CLIC5: variants seen among roughly 807,000 people sequenced by gnomAD.
CLIC5 encodes the protein CLIC family member 5, also known as chloride intracellular channel protein 5.
CLIC5 carries 20 observed loss-of-function variants against 24.7 expected under a neutral mutation model. The ratio of observed to expected loss-of-function variants is 0.81; its 90% CI spans 0.57 to 1.18. The LOEUF is 1.18. Ranked by LOEUF, CLIC5 falls within the 50% of genes most tolerant of loss-of-function variation. CLIC5 has a pLI of 0.00. For synonymous variants in CLIC5, 159 were observed against 135.6 expected (o/e 1.17, Z -1.20); for missense variants, 341 against 326.1 (o/e 1.05, Z -0.35).
chr6:46,109,987 C>G, the CLIC5 span, among the ~76,000 whole-genome samples: 7 of 152,084 alleles, frequency 4.6e-5, no homozygotes, highest in Non-Finnish European at 8.8e-5. Context: ...AATCTAAGCC[C>G]AGGGCATAAA....
chr6:46,023,664 A>T (rs1318388969), intron 1 of CLIC5, among the ~76,000 whole-genome samples: 1 of 152,158 alleles, frequency 6.6e-6, no homozygotes. Flanking sequence ...CAGCCCTAGG[A>T]AATGGAAGTT....
chr6:46,012,232 T>A (rs1425732978), intron 1 of CLIC5, among the ~76,000 whole-genome samples: 7 of 152,196 alleles, frequency 4.6e-5, no homozygotes, highest in Non-Finnish European at 1.0e-4. Context: ...TGCTCTTGTT[T>A]TAAGAGGGCC....
intron 1 of CLIC5, among the ~76,000 whole-genome samples, chr6:46,012,673 G>T (rs1766848279): frequency 6.6e-6 from 1 of 152,170 alleles, no homozygotes; most frequent in Admixed American, 6.5e-5. Flanking sequence ...TTGAGGACTG[G>T]ATCTGAATGC....
intron 3 of CLIC5, among the ~76,000 whole-genome samples, chr6:45,943,076 A>G (rs1764186239): frequency 1.3e-5 from 2 of 152,192 alleles, no homozygotes; most frequent in Non-Finnish European, 2.9e-5. Flanking sequence ...CGTATTCACC[A>G]TTTACTCCTC....
intron 1 of CLIC5, among the ~76,000 whole-genome samples, chr6:46,063,168 T>G (rs1762340912): frequency 1.3e-5 from 2 of 152,198 alleles, no homozygotes; most frequent in Non-Finnish European, 2.9e-5. Context: ...TTAATGATTA[T>G]TATCACTGGA....
intron 1 of CLIC5, among the ~76,000 whole-genome samples, chr6:45,979,780 G>A (rs951073839): frequency 3.3e-5 from 5 of 151,068 alleles, no homozygotes; most frequent in African/African-American, 1.2e-4. Flanking sequence ...TGGCCTTTTA[G>A]ACCTTTGTGA....
chr6:45,886,483 C>T (rs1762306970), intron 6 of CLIC5, among the ~76,000 whole-genome samples: 1 of 152,138 alleles, frequency 6.6e-6, no homozygotes, highest in Admixed American at 6.5e-5. Flanking sequence ...GTTGAGCACC[C>T]ATTTGGTAAA....
At chr6:45,955,316 C>A in intron 1 of CLIC5, 72 bp from the exon 2 acceptor site, 1 of 1,080,276 alleles carries the variant, frequency 9.3e-7, no homozygotes, top group South Asian at 1.4e-5. Context: ...TTGTAACACC[C>A]AAATGCAGGT....
At chr6:45,914,691 A>C (rs1325594367) in intron 4 of CLIC5, 1 of 350,762 alleles carries the variant, frequency 2.9e-6, no homozygotes, top group African/African-American at 2.2e-5. Context: ...GGTGGCTCAC[A>C]CCTGTAACCC....
At chr6:46,002,542 C>T (rs1176191521) in intron 1 of CLIC5, among the ~76,000 whole-genome samples, 2 of 152,188 alleles carry the variant, frequency 1.3e-5, no homozygotes, top group African/African-American at 4.8e-5. Context: ...CTCTCTTACC[C>T]ACTTCCTTCT....
the CLIC5 span, chr6:46,129,585 C>T: frequency 6.6e-6 from 1 of 152,244 alleles, no homozygotes; most frequent in Non-Finnish European, 1.5e-5. Context: ...TTTATCCCAA[C>T]TCACTGGAAC....
chr6:45,966,244 AG>A (rs1178835389), intron 1 of CLIC5, among the ~76,000 whole-genome samples: 4 of 152,330 alleles, frequency 2.6e-5, no homozygotes, highest in East Asian at 3.9e-4. Flanking sequence ...TTATGAAAAA[AG>A]TTTTTGCAAA....
intron 1 of CLIC5, among the ~76,000 whole-genome samples, chr6:46,054,978 T>C (rs1768205507): frequency 6.6e-6 from 1 of 152,270 alleles, no homozygotes; most frequent in African/African-American, 2.4e-5. Context: ...TTTTTGCTAT[T>C]ACCATTTGGG....
intron 5 of CLIC5, among the ~76,000 whole-genome samples, chr6:45,904,275 T>C (rs1762588505): frequency 6.6e-6 from 1 of 152,126 alleles, no homozygotes; most frequent in African/African-American, 2.4e-5. Context: ...GCCTGGCAAA[T>C]AGTAAATACT....
the CLIC5 span, among the ~76,000 whole-genome samples, chr6:46,091,056 A>T: frequency 6.6e-6 from 1 of 152,204 alleles, no homozygotes; most frequent in Non-Finnish European, 1.5e-5. Flanking sequence ...GGCAGCGCGA[A>T]GTTGCTCTGA....
intron 1 of CLIC5, among the ~76,000 whole-genome samples, chr6:46,056,362 C>A (rs1264857817): frequency 6.6e-6 from 1 of 152,132 alleles, no homozygotes; most frequent in Non-Finnish European, 1.5e-5. Flanking sequence ...GAATAAATTT[C>A]CCCTCCTTGC....
At chr6:45,920,323 G>A (rs1763205441) in intron 4 of CLIC5, 3 of 980,472 alleles carry the variant, frequency 3.1e-6, no homozygotes, top group Non-Finnish European at 3.6e-6. Context: ...GTGTGACAAT[G>A]AAACATCTGG....
At chr6:45,960,968 A>AAAAC (rs1416915447) in intron 1 of CLIC5, among the ~76,000 whole-genome samples, 1 of 152,002 alleles carries the variant, frequency 6.6e-6, no homozygotes, top group Non-Finnish European at 1.5e-5. Context: ...TGTCATGGTT[A>AAAAC]CTCTTTTATC....
At chr6:46,129,373 C>G in the CLIC5 span, 1 of 152,224 alleles carries the variant, frequency 6.6e-6, no homozygotes, top group Admixed American at 6.5e-5. Context: ...AAATAACCTT[C>G]CAATTAAAAG....
Sources: allele counts gnomAD v4.1 joint callset (sites outside exome capture counted in the v4.1 genomes callset), GRCh38; gene constraint gnomAD v4.1.1; transcripts MANE v1.5; gene names NCBI Gene and HGNC (gene_info 2026-07-23, HGNC 2026-07-21).